Variants in ZSCAN1 observed in about 807,000 individuals in gnomAD.
ZSCAN1 encodes zinc finger and SCAN domain-containing protein 1.
In ZSCAN1, 23 loss-of-function variants were observed where a neutral mutation model predicts 23.8. That is an observed-to-expected ratio of 0.97 (90% CI 0.70 to 1.37). The LOEUF (loss-of-function observed/expected upper bound fraction) is 1.37, where lower values mean the gene tolerates loss of function less well. Among genes scored for constraint, ZSCAN1 ranks in the 40% most tolerant of loss-of-function variants. The pLI is 0.00. For synonymous variants in ZSCAN1, 236 were observed against 232.3 expected (o/e 1.02, Z -0.15); for missense variants, 575 against 554.0 (o/e 1.04, Z -0.38).
At chr19:58,052,937 G>A (rs2073867683) in intron 5 of ZSCAN1, among the ~76,000 whole-genome samples, 1 of 150,420 alleles carries the variant, frequency 6.6e-6, no homozygotes, top group Admixed American at 6.7e-5. Context: ...CCAGTGCTGT[G>A]GGATCTGCTC....
At chr19:58,052,325 C>T (rs1405408984) in intron 4 of ZSCAN1, among the ~76,000 whole-genome samples, 165 bp from the exon 5 acceptor site, 1 of 152,220 alleles carries the variant, frequency 6.6e-6, no homozygotes, top group African/African-American at 2.4e-5. Flanking sequence ...TCAAGCAATC[C>T]TCCAGCATCA....
At position 58,045,622 on chromosome 19, in the gene ZSCAN1, C is replaced by T. The variant is rs922123608; in HGVS notation, c.465+5078C>T. ...GCGCTTCCAGCTCACGATGCGGCTG[C>T]GCTCCATAAAGGCAGAGGACAAGCT... On this transcript the variant is annotated intron_variant, in intron 4 of 5. Coordinates refer to ENST00000282326, the MANE Select transcript of ZSCAN1 (RefSeq NM_182572.4). This position sits in a 1 kb window ranked among gnomAD's most constrained non-coding sequence, Gnocchi z 4.3. 39 of 965,734 alleles carry T rather than the reference C, an allele frequency of 4.0e-5. No individual in the cohort carries two copies. The highest frequency in any genetic ancestry group is 2.6e-4 in the Middle Eastern group (1 of 3,810). The allele number at this position is 965,734 out of a possible 1,614,324, so 59.8% of individuals were successfully genotyped here. A position where few individuals can be genotyped will look rare whatever the true frequency, so the allele number is the denominator to read the frequency against.
chr19:58,038,589 G>T (rs766255778), intron 3 of ZSCAN1: 1 of 471,918 alleles, frequency 2.1e-6, no homozygotes, highest in African/African-American at 2.0e-5. Flanking sequence ...TTCACAGGGC[G>T]CAGGCCCCAT....
chr19:58,044,486 A>C, intron 4 of ZSCAN1: 5 of 377,528 alleles, frequency 1.3e-5, no homozygotes, highest in Non-Finnish European at 2.4e-5. Flanking sequence ...GTCCGCACGG[A>C]CGGCGCCTGA....
Position 58,053,631 on chromosome 19 carries a change from AGG to A in ZSCAN1, c.808_809del (p.Gly270TrpfsTer67). The A allele has an allele frequency of 1.9e-6, 3 of 1,614,064 alleles. No individual in the cohort carries two copies. The highest frequency in any genetic ancestry group is 2.5e-6 in the Non-Finnish European group (3 of 1,179,996). ...RHQPSLKHTKGGTQEAVAGIS... is the reference protein window; with the variant it reads ...RHQPSLKHTKXGTQEAVAGIS... ...ACCAGCCATCCCTCAAGCACACCAA[AGG>A]TGGTACCCAAGAGGCTGTTGCAGGC... On this transcript the variant is annotated frameshift_variant, in exon 6 of 6. Coordinates refer to ENST00000282326, the MANE Select transcript of ZSCAN1 (RefSeq NM_182572.4). LOFTEE classifies it low-confidence loss of function (END_TRUNC). This position sits in a 1 kb window ranked among gnomAD's most constrained non-coding sequence, Gnocchi z 5.8.
In ZSCAN1 at chr19:58,053,977, T is replaced by G. The variant is rs751358718; in HGVS notation, c.1153T>G (p.Cys385Gly). The G allele has an allele frequency of 5.6e-6, 9 of 1,598,444 alleles. No individual in the cohort carries two copies. Among genetic ancestry groups the G allele is most frequent in the Non-Finnish European group, 7.7e-6 (9 of 1,171,358 alleles). Residue 385 changes from cysteine (C) to glycine (G), a missense_variant, in exon 6 of 6, where the codon TGC (cysteine) becomes GGC (glycine). Cys to Gly is a radical substitution (Grantham distance 159). Transcript: ENST00000282326. This position sits in a 1 kb window ranked among gnomAD's most constrained non-coding sequence, Gnocchi z 5.8. ...SPKRPFQCSV[C>G]GKAFPWMVHL... ...CAAAAGACCCTTCCAGTGTAGCGTCTGCGGGAAGGCCTTCCCCTGGATGGT... is the reference window on the plus strand; with the variant it reads ...CAAAAGACCCTTCCAGTGTAGCGTCGGCGGGAAGGCCTTCCCCTGGATGGT...
chr19:58,053,383 G>A lies in ZSCAN1; in HGVS notation c.605-46G>A. 4 of 1,566,762 alleles carry A rather than the reference G, an allele frequency of 2.6e-6. No homozygotes were observed. Among genetic ancestry groups the A allele is most frequent in the South Asian group, 1.2e-5 (1 of 83,074 alleles). ...CCTGGGGAGCACAGGGAGATGCCAA[G>A]GCCATCCACTCACTACAGGTGACCC... On this transcript the variant is annotated intron_variant, in intron 5 of 5. Coordinates refer to ENST00000282326, the MANE Select transcript of ZSCAN1 (RefSeq NM_182572.4). The surrounding 1 kb of genome is among the most constrained non-coding windows in gnomAD (Gnocchi z 5.8).
downstream of ZSCAN1, among the ~76,000 whole-genome samples, chr19:58,054,828 A>G (rs1378192833): frequency 2.6e-5 from 4 of 152,152 alleles, no homozygotes; most frequent in Non-Finnish European, 2.9e-5. The surrounding 1 kb of genome is among the most constrained non-coding windows in gnomAD (Gnocchi z 4.2). Context: ...ACCTGCCTGT[A>G]TTTTGTTTGA....
intron 3 of ZSCAN1, among the ~76,000 whole-genome samples, chr19:58,039,373 G>T (rs1331371313): frequency 6.6e-6 from 1 of 152,134 alleles, no homozygotes; most frequent in African/African-American, 2.4e-5. Flanking sequence ...TTGAGCAAAG[G>T]GCTCTCTATC....
chr19:58,040,505 A>G lies in ZSCAN1; in HGVS notation c.426A>G (p.Glu142=). 6.2e-7 allele frequency: 1 copy of G among 1,613,598 alleles called. No individual in the cohort carries two copies. The highest frequency in any genetic ancestry group is 8.5e-7 in the Non-Finnish European group (1 of 1,179,966). The change falls in exon 4 of 6, where the codon GAA becomes GAG. Residue 142 remains glutamate, a synonymous_variant. Coordinates refer to ENST00000282326, the MANE Select transcript of ZSCAN1 (RefSeq NM_182572.4). The surrounding 1 kb of genome is among the most constrained non-coding windows in gnomAD (Gnocchi z 5.8). ...EPQDWSFGEE[E]DGKSPRSQKE... Reference sequence around the variant, plus strand: ...AGGACTGGAGTTTCGGTGAGGAGGAAGATGGGAAGAGTCCAAGGTCCCAGA... The same window carrying G: ...AGGACTGGAGTTTCGGTGAGGAGGAGGATGGGAAGAGTCCAAGGTCCCAGA...
Position 58,040,389 on chromosome 19 carries a change from C to G in ZSCAN1, c.371-61C>G. The G allele has an allele frequency of 6.3e-7, 1 of 1,583,090 alleles. No individual in the cohort carries two copies. The highest frequency in any genetic ancestry group is 1.1e-5 in the South Asian group (1 of 90,284). Reference sequence around the variant, plus strand: ...GGAAAGTCTGCCCTCCCCAGAAGGCCTGGAGAATTGGGGGCTCTGGGAAGA... The same window carrying G: ...GGAAAGTCTGCCCTCCCCAGAAGGCGTGGAGAATTGGGGGCTCTGGGAAGA... On this transcript the variant is annotated intron_variant, in intron 3 of 5. Coordinates refer to ENST00000282326, the MANE Select transcript of ZSCAN1 (RefSeq NM_182572.4). The surrounding 1 kb of genome is among the most constrained non-coding windows in gnomAD (Gnocchi z 5.8).
intron 4 of ZSCAN1, among the ~76,000 whole-genome samples, chr19:58,048,331 C>T (rs934407076): frequency 1.8e-4 from 27 of 152,252 alleles, no homozygotes; most frequent in African/African-American, 6.3e-4. Context: ...AGTATACTAA[C>T]TGCCCTGGGG....
chr19:58,035,048 T>C (rs2073725065), intron 1 of ZSCAN1, among the ~76,000 whole-genome samples: 1 of 151,944 alleles, frequency 6.6e-6, no homozygotes, highest in Non-Finnish European at 1.5e-5. Context: ...TCAGTGCCCA[T>C]GCCAGGTGAA....
rs1423979383 is a variant in ZSCAN1, at chr19:58,040,355, G to T, written c.371-95G>T. 4 of 1,304,272 alleles carry T rather than the reference G, an allele frequency of 3.1e-6. No individual in the cohort carries two copies. Among genetic ancestry groups the T allele is most frequent in the Non-Finnish European group, 4.4e-6 (4 of 911,122 alleles). 80.8% of individuals were successfully genotyped at this position (1,304,272 alleles called of 1,614,324 possible). A position where few individuals can be genotyped will look rare whatever the true frequency, so the allele number is the denominator to read the frequency against. ...GCCTGCGCCTCAGGGGTGCTGCAGG[G>T]ATGTTCGGGGAAAGTCTGCCCTCCC... On this transcript the variant is annotated intron_variant, in intron 3 of 5. Coordinates refer to ENST00000282326, the MANE Select transcript of ZSCAN1 (RefSeq NM_182572.4). The surrounding 1 kb of genome is among the most constrained non-coding windows in gnomAD (Gnocchi z 5.8).
At chr19:58,046,126 T>C in intron 4 of ZSCAN1, 1 of 705,320 alleles carries the variant, frequency 1.4e-6, no homozygotes, top group South Asian at 1.6e-5. Flanking sequence ...TGTCCTGCAG[T>C]CAGAGACCAT....
At chr19:58,052,770 G>A (rs1421556538) in intron 5 of ZSCAN1, 142 bp downstream of exon 5, 2 of 1,271,346 alleles carry the variant, frequency 1.6e-6, no homozygotes, top group South Asian at 1.5e-5. Flanking sequence ...CACACCTCCT[G>A]TGAGGACTGA....
rs1204830625 is a variant in ZSCAN1 at position 58,053,620 on chromosome 19, A to C, written c.796A>C (p.Lys266Gln). 6.2e-7 allele frequency: 1 copy of C among 1,613,992 alleles called. No homozygotes were observed. The highest frequency in any genetic ancestry group is 8.5e-7 in the Non-Finnish European group (1 of 1,179,984). The change falls in exon 6 of 6, where the codon AAG (lysine) becomes CAG (glutamine). Residue 266 changes from lysine (K) to glutamine (Q), a missense_variant. Transcript: ENST00000282326. This position sits in a 1 kb window ranked among gnomAD's most constrained non-coding sequence, Gnocchi z 5.8. Reference sequence around the variant, plus strand: ...GAGCGGCCGCCACCAGCCATCCCTCAAGCACACCAAAGGTGGTACCCAAGA... The same window carrying C: ...GAGCGGCCGCCACCAGCCATCCCTCCAGCACACCAAAGGTGGTACCCAAGA... ...DQSGRHQPSLKHTKGGTQEAV... is the reference protein window; with the variant it reads ...DQSGRHQPSLQHTKGGTQEAV...
rs574601020 is a variant in ZSCAN1, at chr19:58,044,268, G to T, written c.465+3724G>T. Among the ~76,000 whole-genome samples, 31 of 150,744 alleles carry T rather than the reference G, an allele frequency of 2.1e-4. 1 individual carries two copies. In the South Asian group the frequency reaches 5.5e-3, roughly 27 times the overall value. On this transcript the variant is annotated intron_variant, in intron 4 of 5. Coordinates refer to ENST00000282326, the MANE Select transcript of ZSCAN1 (RefSeq NM_182572.4). ...GCCCGAGCAACAGGAGCGAAACTCC[G>T]TCTCAAAACAAAACAAAACAAAAAA...
rs775609820 is a variant in ZSCAN1, at chr19:58,037,874, G to A, written c.38G>A (p.Arg13His). The A allele has an allele frequency of 3.2e-5, 38 of 1,174,938 alleles. No individual in the cohort carries two copies. Among genetic ancestry groups the A allele is most frequent in the Non-Finnish European group, 3.8e-5 (33 of 868,324 alleles). The allele number at this position is 1,174,938 out of a possible 1,614,324, so 72.8% of individuals were successfully genotyped here. A position where few individuals can be genotyped will look rare whatever the true frequency, so the allele number is the denominator to read the frequency against. Residue 13 changes from arginine to histidine, a missense_variant, in exon 3 of 6, where the codon CGC becomes CAC. Coordinates refer to ENST00000282326, the MANE Select transcript of ZSCAN1 (RefSeq NM_182572.4). ...CCCAAAGCCCCTGCCTCCCCCAGAC[G>A]CCCCCAGACCCCAACCCCGAGTGAG... ...PRPKAPASPR[R>H]PQTPTPSEQD...
Sources: gnomAD v4.1 joint callset for allele counts (sites outside exome capture counted in the v4.1 genomes callset) on GRCh38, gnomAD v4.1.1 for gene constraint, Gnocchi (gnomAD v3.1) non-coding constraint, MANE v1.5 for transcripts, NCBI Gene and HGNC (gene_info 2026-07-23, HGNC 2026-07-21) for gene names.